The following OXTR variants were observed in gnomAD, a reference collection of about 807,000 sequenced individuals.
The protein encoded by OXTR is oxytocin receptor.
OXTR carries 19 observed loss-of-function variants against 23.9 expected under a neutral mutation model. The ratio of observed to expected loss-of-function variants is 0.80; its 90% CI spans 0.56 to 1.17. OXTR has a LOEUF of 1.17. Ranked by LOEUF, OXTR falls within the 50% of genes most tolerant of loss-of-function variation. OXTR has a pLI of 0.00. For synonymous variants in OXTR, 278 were observed against 250.5 expected (o/e 1.11, Z -1.04); for missense variants, 500 against 550.7 (o/e 0.91, Z 0.92).
chr3:8,764,432 C>T (rs1487774783), intron 3 of OXTR, among the ~76,000 whole-genome samples: 1 of 152,198 alleles, frequency 6.6e-6, no homozygotes, highest in Non-Finnish European at 1.5e-5. Context: ...AAATTCTGTC[C>T]TCTTGGAGAG....
downstream of OXTR, chr3:8,745,493 G>A: frequency 8.2e-7 from 1 of 1,221,674 alleles, no homozygotes; most frequent in Non-Finnish European, 1.2e-6. This position sits in a 1 kb window ranked among gnomAD's most constrained non-coding sequence, Gnocchi z 4.8. Flanking sequence ...GGTGGCTTCT[G>A]TGAGTTGAGG....
rs1227640052 is a variant in OXTR, at chr3:8,758,537, A to G, written c.923-5313T>C. 3.9e-5 allele frequency among the ~76,000 whole-genome samples: 6 copies of G among 152,206 alleles called. No individual in the cohort carries two copies. The East Asian group carries it at 1.2e-3, about 29-fold the overall frequency. ...CGGGCATCTGGGAACAAAACTATGG[A>G]AGGCCCTTTCTTAAGAAAATGATTT... On this transcript the variant is annotated intron_variant, in intron 3 of 3. Coordinates refer to ENST00000316793, the MANE Select transcript of OXTR (RefSeq NM_000916.4).
chr3:8,759,129 G>A (rs1266161345), intron 3 of OXTR, among the ~76,000 whole-genome samples: 2 of 152,154 alleles, frequency 1.3e-5, no homozygotes, highest in African/African-American at 2.4e-5. Context: ...AGCTCAAATC[G>A]TATAGATAGG....
downstream of OXTR, chr3:8,745,684 G>A (rs368976665): frequency 1.4e-5 from 22 of 1,614,056 alleles, no homozygotes; most frequent in Non-Finnish European, 1.8e-5. This position sits in a 1 kb window ranked among gnomAD's most constrained non-coding sequence, Gnocchi z 4.8. Flanking sequence ...GGGGCTTCCT[G>A]TTCGCCTGCA....
chr3:8,754,366 C>T (rs1412666138), intron 3 of OXTR, among the ~76,000 whole-genome samples: 1 of 152,152 alleles, frequency 6.6e-6, no homozygotes, highest in Non-Finnish European at 1.5e-5. Flanking sequence ...ACAGACAAGG[C>T]CAGGCAACAT....
intron 3 of OXTR, 76 bp downstream of exon 3, chr3:8,767,190 A>C: frequency 7.1e-7 from 1 of 1,404,566 alleles, no homozygotes; most frequent in Non-Finnish European, 9.5e-7. Flanking sequence ...AGACCCCTGG[A>C]CATTCTGAGG....
Position 8,751,113 on chromosome 3 carries a change from G to T in OXTR, c.*1864C>A, listed in dbSNP as rs967492353. The stretch of plus-strand genomic sequence containing the variant: ...TGGAATCTCATTGTGATTTTGACTT[G>T]CATTTCCCTAATGAATAATAATGTT... On this transcript the variant is annotated 3_prime_UTR_variant, in exon 4 of 4. Transcript: ENST00000316793. 2.0e-5 allele frequency: 3 copies of T among 152,104 alleles called. No individual in the cohort carries two copies. Among genetic ancestry groups the T allele is most frequent in the Non-Finnish European group, 2.9e-5 (2 of 68,028 alleles). 9.4% of individuals were successfully genotyped at this position (152,104 alleles called of 1,614,324 possible). A position where few individuals can be genotyped will look rare whatever the true frequency, so the allele number is the denominator to read the frequency against.
At chr3:8,764,897 A>G (rs534016584) in intron 3 of OXTR, among the ~76,000 whole-genome samples, 1 of 152,264 alleles carries the variant, frequency 6.6e-6, no homozygotes, top group African/African-American at 2.4e-5. Context: ...GGACCAAGAG[A>G]AGCCCTGGGT....
At chr3:8,760,575 G>A (rs991541290) in intron 3 of OXTR, among the ~76,000 whole-genome samples, 1 of 152,230 alleles carries the variant, frequency 6.6e-6, no homozygotes, top group African/African-American at 2.4e-5. Context: ...AAGGGGCACT[G>A]GATGAGGCTG....
the OXTR span, among the ~76,000 whole-genome samples, chr3:8,742,175 G>A: frequency 6.6e-6 from 1 of 152,086 alleles, no homozygotes; most frequent in Non-Finnish European, 1.5e-5. Flanking sequence ...GCATGCTGTG[G>A]CCAAAGCTCT....
In OXTR at chr3:8,753,224, G is replaced by A. The variant is rs774850560; in HGVS notation, c.923C>T (p.Ala308Val). 1.2e-6 allele frequency: 2 copies of A among 1,613,968 alleles called. No homozygotes were observed. Among genetic ancestry groups the A allele is most frequent in the Admixed American group, 3.3e-5 (2 of 60,010 alleles). ...GAGCATGACGATGATGAAGGCCGAGGCTGAGGGGGTGGGGGCAGGAGAAAG... is the reference window on the plus strand; with the variant it reads ...GAGCATGACGATGATGAAGGCCGAGACTGAGGGGGTGGGGGCAGGAGAAAG... ...SVWDANAPKEASAFIIVMLLA... is the reference protein window; with the variant it reads ...SVWDANAPKEVSAFIIVMLLA... The change falls in exon 4 of 4, where the codon GCC becomes GTC. Residue 308 changes from alanine (A) to valine (V), a missense_variant and splice_region_variant. Physicochemically the swap from Ala to Val is moderately conservative, Grantham distance 64. Transcript: ENST00000316793.
intron 3 of OXTR, among the ~76,000 whole-genome samples, chr3:8,765,547 G>C (rs1708586828): frequency 6.6e-6 from 1 of 152,218 alleles, no homozygotes; most frequent in African/African-American, 2.4e-5. Flanking sequence ...CATCTCTCCA[G>C]TATCTACTCC....
chr3:8,751,202 C>T lies in OXTR; in HGVS notation c.*1775G>A, dbSNP rs1274340731. On this transcript the variant is annotated 3_prime_UTR_variant, in exon 4 of 4. Transcript: ENST00000316793. ...TTCTTTGGAGAAATGTCTATTCAAA[C>T]CGTTAGCCCATTTTTTAAATTGATT... is the stretch of plus-strand genomic sequence containing the variant. The T allele has an allele frequency of 6.6e-6, 1 of 152,072 alleles. No homozygotes were observed. The highest frequency in any genetic ancestry group is 6.6e-5 in the Admixed American group (1 of 15,264). The allele number at this position is 152,072 out of a possible 1,614,324, so 9.4% of individuals were successfully genotyped here.
intron 1 of OXTR, among the ~76,000 whole-genome samples, 162 bp downstream of exon 1, chr3:8,769,069 G>A (rs1291406216): frequency 6.6e-6 from 1 of 152,196 alleles, no homozygotes; most frequent in Non-Finnish European, 1.5e-5. Flanking sequence ...AGATAATCAA[G>A]GACTCTGAGT....
At chr3:8,764,819 G>T (rs1708569355) in intron 3 of OXTR, among the ~76,000 whole-genome samples, 1 of 152,224 alleles carries the variant, frequency 6.6e-6, no homozygotes, top group African/African-American at 2.4e-5. Context: ...CCCGGCTGCA[G>T]CAGCATCATG....
At position 8,768,364 on chromosome 3, in the gene OXTR, C is replaced by T. The variant is rs237913; in HGVS notation, c.-142-35G>A. 1.9e-6 allele frequency: 2 copies of T among 1,035,084 alleles called. No homozygotes were observed. The highest frequency in any genetic ancestry group is 3.6e-5 in the East Asian group (1 of 28,108). 64.1% of individuals were successfully genotyped at this position (1,035,084 alleles called of 1,614,324 possible). ...ACCGGGAGGGCCGTGAGGAGACCGCCGCGTTTCTCTTCCGACGCGGGTAGG... is the reference window on the plus strand; with the variant it reads ...ACCGGGAGGGCCGTGAGGAGACCGCTGCGTTTCTCTTCCGACGCGGGTAGG... On this transcript the variant is annotated intron_variant, in intron 2 of 3. Transcript: ENST00000316793. The surrounding 1 kb of genome is among the most constrained non-coding windows in gnomAD (Gnocchi z 5.4).
At chr3:8,766,406 C>G (rs1708607449) in intron 3 of OXTR, among the ~76,000 whole-genome samples, 1 of 152,158 alleles carries the variant, frequency 6.6e-6, no homozygotes, top group Non-Finnish European at 1.5e-5. Flanking sequence ...TGGCACAGGC[C>G]AAGAATGGAC....
At chr3:8,763,187 T>A (rs1708527435) in intron 3 of OXTR, among the ~76,000 whole-genome samples, 1 of 152,092 alleles carries the variant, frequency 6.6e-6, no homozygotes, top group African/African-American at 2.4e-5. Flanking sequence ...CCCGGACACA[T>A]CACCTGCTGT....
chr3:8,753,077 A>G lies in OXTR; in HGVS notation c.1070T>C (p.Leu357Pro), dbSNP rs1575482720. The G allele has an allele frequency of 1.9e-6, 3 of 1,614,164 alleles. No individual in the cohort carries two copies. The highest frequency in any genetic ancestry group is 2.2e-5 in the East Asian group (1 of 44,874). Residue 357 changes from leucine to proline, a missense_variant, in exon 4 of 4, where the codon CTG (leucine) becomes CCG (proline). Coordinates refer to ENST00000316793, the MANE Select transcript of OXTR (RefSeq NM_000916.4). ...CTTTTTGCTGGCACTCGTCTCTCCC[A>G]GGCGTCTGCCCTTCAGGTAGCTGGC... is the stretch of plus-strand genomic sequence containing the variant. Reference protein sequence around the residue: ...CSASYLKGRRLGETSASKKSN... With the variant: ...CSASYLKGRRPGETSASKKSN...
Sources: allele counts gnomAD v4.1 joint callset (sites outside exome capture counted in the v4.1 genomes callset), GRCh38; gene constraint gnomAD v4.1.1; non-coding constraint Gnocchi (gnomAD v3.1); transcripts MANE v1.5; gene names NCBI Gene and HGNC (gene_info 2026-07-23, HGNC 2026-07-21).